The following VAV2 variants were observed in gnomAD, a reference collection of about 807,000 sequenced individuals.
VAV2 encodes guanine nucleotide exchange factor VAV2.
In VAV2, 67 loss-of-function variants were observed where a neutral mutation model predicts 132.5. That is an observed-to-expected ratio of 0.51 (90% CI 0.42 to 0.62). VAV2 has a LOEUF of 0.62. VAV2 is among the 20% of genes least tolerant of loss of function. VAV2 has a pLI of 0.00. For missense variants in VAV2, 938 were observed against 1,153.6 expected (o/e 0.81, Z 2.71); for synonymous variants, 492 against 443.5 (o/e 1.11, Z -1.37).
chr9:133,875,642 C>G (rs565193894), intron 2 of VAV2, among the ~76,000 whole-genome samples: 41 of 152,352 alleles, frequency 2.7e-4, no homozygotes, highest in African/African-American at 9.1e-4. Flanking sequence ...AAAAGCTCAG[C>G]TACCAACTGC....
intron 1 of VAV2, among the ~76,000 whole-genome samples, chr9:133,973,286 T>G (rs900700347): frequency 6.6e-5 from 10 of 152,018 alleles, no homozygotes; most frequent in African/African-American, 2.4e-4. Flanking sequence ...TCACACCCAC[T>G]CTGCACAGGA....
intron 2 of VAV2, among the ~76,000 whole-genome samples, chr9:133,930,422 G>GGC (rs1840643034): frequency 2.0e-5 from 3 of 151,284 alleles, no homozygotes; most frequent in African/African-American, 7.3e-5. Context: ...CATCCTCACT[G>GGC]TCCTCCGGCA....
intron 25 of VAV2, among the ~76,000 whole-genome samples, chr9:133,773,532 T>C (rs1026401489): frequency 1.3e-5 from 2 of 152,380 alleles, no homozygotes; most frequent in South Asian, 2.1e-4. Context: ...TTCTTAATTT[T>C]TGTTAACTTT....
intron 7 of VAV2, among the ~76,000 whole-genome samples, chr9:133,808,193 A>G (rs1325802335): frequency 1.3e-5 from 2 of 152,182 alleles, no homozygotes; most frequent in Non-Finnish European, 2.9e-5. Flanking sequence ...GGGCATGGGC[A>G]GGGCTTCGAG....
At chr9:133,943,509 C>A (rs934429494) in intron 1 of VAV2, among the ~76,000 whole-genome samples, 1 of 152,208 alleles carries the variant, frequency 6.6e-6, no homozygotes, top group Non-Finnish European at 1.5e-5. Context: ...CGGGACCCCC[C>A]ACAAAGGCAG....
At chr9:133,964,030 T>TATATATATATACATATATATAC (rs1842052070) in intron 1 of VAV2, among the ~76,000 whole-genome samples, 1 of 80,972 alleles carries the variant, frequency 1.2e-5, no homozygotes, top group South Asian at 5.5e-4. Context: ...TTCATATATA[T>TATATATATATACATATATATAC]ATATATATAT....
Position 133,802,550 on chromosome 9 carries a change from C to T in VAV2, c.836+3531G>A, listed in dbSNP as rs1251553459. On this transcript the variant is annotated intron_variant, in intron 9 of 29. Coordinates refer to ENST00000371850, the MANE Select transcript of VAV2 (RefSeq NM_001134398.2). This position sits in a 1 kb window ranked among gnomAD's most constrained non-coding sequence, Gnocchi z 5.8. ...ACGGCCCGCCGTGTCCAGCATCCTG[C>T]CCGACCTCCCCTCTCTGCTGACAAG... Among the ~76,000 whole-genome samples the T allele has an allele frequency of 6.6e-6, 1 of 152,186 alleles. No individual in the cohort carries two copies. The highest frequency in any genetic ancestry group is 1.5e-5 in the Non-Finnish European group (1 of 68,034).
At chr9:133,929,302 G>A (rs1405229167) in intron 2 of VAV2, among the ~76,000 whole-genome samples, 1 of 152,116 alleles carries the variant, frequency 6.6e-6, no homozygotes, top group Non-Finnish European at 1.5e-5. Context: ...GTGGGGGAAG[G>A]GGCAATGGCA....
rs1554814554 is a variant in VAV2, at chr9:133,941,622, G to GA, written c.205-2404dup. ...CCACTTTTTTTTGGGGGGGGGGGGGGACGGAATTTCGCCCTTGTTTCCCAG... is the reference window on the plus strand; with the variant it reads ...CCACTTTTTTTTGGGGGGGGGGGGGGAACGGAATTTCGCCCTTGTTTCCCAG... On this transcript the variant is annotated intron_variant, in intron 1 of 29. Transcript: ENST00000371850. Among the ~76,000 whole-genome samples, 444 of 97,742 alleles carry GA rather than the reference G, an allele frequency of 4.5e-3. 14 individuals carry two copies. Among genetic ancestry groups the GA allele is most frequent in the Admixed American group, 0.028 (248 of 8,858 alleles). The allele number at this position is 97,742 out of a possible 152,430, so 64.1% of individuals were successfully genotyped here.
chr9:133,826,897 C>T lies in VAV2; in HGVS notation c.449+7375G>A, dbSNP rs373867366. On this transcript the variant is annotated intron_variant, in intron 4 of 29. Transcript: ENST00000371850. The surrounding 1 kb of genome is among the most constrained non-coding windows in gnomAD (Gnocchi z 4.2). ...ACAGGCAAGGGCAACCCTGCCACAGCGGCACCAGTGTCCTCGCAAGACGCA... is the reference window on the plus strand; with the variant it reads ...ACAGGCAAGGGCAACCCTGCCACAGTGGCACCAGTGTCCTCGCAAGACGCA... Among the ~76,000 whole-genome samples, 8 of 152,256 alleles carry T rather than the reference C, an allele frequency of 5.3e-5. No individual in the cohort carries two copies. In the South Asian group the frequency reaches 8.3e-4, roughly 16 times the overall value.
At chr9:133,948,126 G>C (rs1368461663) in intron 1 of VAV2, among the ~76,000 whole-genome samples, 1 of 152,192 alleles carries the variant, frequency 6.6e-6, no homozygotes, top group African/African-American at 2.4e-5. Flanking sequence ...GCAGTGCGGG[G>C]CTCCCAAGGC....
chr9:133,933,860 TGGGTG>T (rs1840789770), intron 2 of VAV2, among the ~76,000 whole-genome samples: 1 of 100,350 alleles, frequency 1.0e-5, no homozygotes, highest in African/African-American at 3.4e-5. Context: ...GGTGGAAGGA[TGGGTG>T]GATGGATGGA....
At chr9:133,812,716 G>T (rs912360050) in intron 4 of VAV2, among the ~76,000 whole-genome samples, 11 of 152,162 alleles carry the variant, frequency 7.2e-5, no homozygotes, top group African/African-American at 2.7e-4. Flanking sequence ...CCGGGTACAT[G>T]GAGGGTGACC....
chr9:133,882,315 A>C (rs966351695), intron 2 of VAV2, among the ~76,000 whole-genome samples: 1 of 152,220 alleles, frequency 6.6e-6, no homozygotes, highest in African/African-American at 2.4e-5. Flanking sequence ...CACAGCCCCA[A>C]AGGGGCGGCC....
rs547722102 is a variant in VAV2 at position 133,841,595 on chromosome 9, G to A, written c.381-7255C>T. On this transcript the variant is annotated intron_variant, in intron 3 of 29. Transcript: ENST00000371850. ...GGCCAACATGCAGCTCCCAGGCTCCGTCCCCAAACACCCAGAGATAACATC... is the reference window on the plus strand; with the variant it reads ...GGCCAACATGCAGCTCCCAGGCTCCATCCCCAAACACCCAGAGATAACATC... Among the ~76,000 whole-genome samples the A allele has an allele frequency of 4.6e-5, 7 of 152,212 alleles. No homozygotes were observed. In the South Asian group the frequency reaches 6.2e-4, roughly 14 times the overall value.
Position 133,824,817 on chromosome 9 carries a change from G to C in VAV2, c.449+9455C>G, listed in dbSNP as rs1300205059. ...GCAGCTCTGCCCCCTAGTTCTGTACGACTCTGACCAGGTGCCTTCCTCTCT... is the reference window on the plus strand; with the variant it reads ...GCAGCTCTGCCCCCTAGTTCTGTACCACTCTGACCAGGTGCCTTCCTCTCT... On this transcript the variant is annotated intron_variant, in intron 4 of 29. Transcript: ENST00000371850. This position sits in a 1 kb window ranked among gnomAD's most constrained non-coding sequence, Gnocchi z 5.2. Among the ~76,000 whole-genome samples, 2 of 152,180 alleles carry C rather than the reference G, an allele frequency of 1.3e-5. No homozygotes were observed. Among genetic ancestry groups the C allele is most frequent in the Admixed American group, 6.5e-5 (1 of 15,284 alleles).
At chr9:133,848,843 G>T (rs1207249359) in intron 3 of VAV2, among the ~76,000 whole-genome samples, 1 of 152,230 alleles carries the variant, frequency 6.6e-6, no homozygotes, top group African/African-American at 2.4e-5. Context: ...CCAGGCCCGT[G>T]TTTGGGTTTG....
intron 1 of VAV2, among the ~76,000 whole-genome samples, chr9:133,942,910 G>A (rs567410370): frequency 1.3e-5 from 2 of 152,314 alleles, no homozygotes; most frequent in East Asian, 1.9e-4. Context: ...GGCAGAGACC[G>A]GGACAAAGCC....
Position 133,926,893 on chromosome 9 carries a change from G to A in VAV2, c.321+12210C>T, listed in dbSNP as rs939756745. Among the ~76,000 whole-genome samples the A allele has an allele frequency of 1.3e-5, 2 of 152,168 alleles. No individual in the cohort carries two copies. Among genetic ancestry groups the A allele is most frequent in the Non-Finnish European group, 2.9e-5 (2 of 68,028 alleles). Reference sequence around the variant, plus strand: ...ACCCTCCTGGCAACAGCCCCACTGTGGAGGGATGGGGAGGCCCAGCACCAG... The same window carrying A: ...ACCCTCCTGGCAACAGCCCCACTGTAGAGGGATGGGGAGGCCCAGCACCAG... On this transcript the variant is annotated intron_variant, in intron 2 of 29. Transcript: ENST00000371850. The surrounding 1 kb of genome is among the most constrained non-coding windows in gnomAD (Gnocchi z 4.3).
Sources: allele counts gnomAD v4.1 joint callset (sites outside exome capture counted in the v4.1 genomes callset), GRCh38; gene constraint gnomAD v4.1.1; non-coding constraint Gnocchi (gnomAD v3.1); transcripts MANE v1.5; gene names NCBI Gene and HGNC (gene_info 2026-07-23, HGNC 2026-07-21).